The following DCLK1 variants were observed in gnomAD, a reference collection of about 807,000 sequenced individuals.
The protein encoded by DCLK1 is serine/threonine-protein kinase DCLK1.
DCLK1 carries 16 observed loss-of-function variants against 86.2 expected under a neutral mutation model. That is an observed-to-expected ratio of 0.19 (90% CI 0.13 to 0.28). The LOEUF (loss-of-function observed/expected upper bound fraction) is 0.28, where lower values mean the gene tolerates loss of function less well. DCLK1 is among the 10% of genes least tolerant of loss of function. DCLK1 has a pLI of 1.00. For missense variants in DCLK1, 590 were observed against 940.2 expected, an observed-to-expected ratio of 0.63 and a Z score of 4.87; for synonymous variants, 369 against 370.5, an observed-to-expected ratio of 1.00 and a Z score of 0.05.
At chr13:35,821,661 T>C (rs1360220695) in intron 11 of DCLK1, among the ~76,000 whole-genome samples, 2 of 113,240 alleles carry the variant, frequency 1.8e-5, no homozygotes, top group African/African-American at 4.8e-5. Context: ...AAGATATATA[T>C]ATAAATATAT....
chr13:35,899,327 C>T (rs1325842165), intron 4 of DCLK1, among the ~76,000 whole-genome samples: 6 of 142,492 alleles, frequency 4.2e-5, no homozygotes, highest in South Asian at 2.3e-4. Flanking sequence ...TATGTGTCAA[C>T]GAGAAATACA....
intron 4 of DCLK1, among the ~76,000 whole-genome samples, chr13:35,909,513 A>T (rs1299826386): frequency 6.6e-6 from 1 of 151,098 alleles, no homozygotes; most frequent in Non-Finnish European, 1.5e-5. Context: ...TTTGGGTGGG[A>T]TTTATGAGAT....
chr13:36,002,218 C>A (rs1291460536), intron 3 of DCLK1, among the ~76,000 whole-genome samples: 1 of 152,118 alleles, frequency 6.6e-6, no homozygotes, highest in Non-Finnish European at 1.5e-5. Context: ...AGTGAGGTGA[C>A]AAACATTTCC....
chr13:36,058,296 A>G (rs1883409946), intron 3 of DCLK1, among the ~76,000 whole-genome samples: 1 of 152,190 alleles, frequency 6.6e-6, no homozygotes, highest in Non-Finnish European at 1.5e-5. Flanking sequence ...GCATTCTGAG[A>G]GCCTGATGGA....
intron 3 of DCLK1, among the ~76,000 whole-genome samples, chr13:35,992,371 A>G (rs1221514647): frequency 6.6e-6 from 1 of 152,132 alleles, no homozygotes; most frequent in Non-Finnish European, 1.5e-5. Flanking sequence ...GGAGAATTAC[A>G]ATGCAACATG....
At chr13:35,908,952 A>G (rs571434142) in intron 4 of DCLK1, among the ~76,000 whole-genome samples, 1 of 152,350 alleles carries the variant, frequency 6.6e-6, no homozygotes, top group African/African-American at 2.4e-5. Context: ...TACTTTTTTG[A>G]ACAAGAAACC....
chr13:35,779,725 A>G (rs2086489074), intron 16 of DCLK1, among the ~76,000 whole-genome samples: 1 of 152,240 alleles, frequency 6.6e-6, no homozygotes, highest in Non-Finnish European at 1.5e-5. Flanking sequence ...GAATTCACTC[A>G]TCCTACAAGC....
At chr13:35,800,976 G>A (rs1427620007) in intron 15 of DCLK1, among the ~76,000 whole-genome samples, 3 of 151,490 alleles carry the variant, frequency 2.0e-5, no homozygotes, top group South Asian at 2.1e-4. Context: ...CACCTGCCAC[G>A]GCCTCCCAGA....
intron 4 of DCLK1, among the ~76,000 whole-genome samples, chr13:35,929,548 G>A (rs1876311469): frequency 6.6e-6 from 1 of 152,172 alleles, no homozygotes; most frequent in South Asian, 2.1e-4. Flanking sequence ...ACTAAACATA[G>A]AGGCTGATTT....
chr13:35,939,293 T>C (rs889214705), intron 4 of DCLK1, among the ~76,000 whole-genome samples: 2 of 152,178 alleles, frequency 1.3e-5, no homozygotes, highest in African/African-American at 4.8e-5. Flanking sequence ...TACAAATCAA[T>C]GCAATCGGGA....
chr13:35,824,376 C>T (rs766431392), intron 10 of DCLK1, among the ~76,000 whole-genome samples: 1 of 152,042 alleles, frequency 6.6e-6, no homozygotes, highest in Non-Finnish European at 1.5e-5. Flanking sequence ...GATGAGGCTT[C>T]GCTTTGTTGC....
intron 6 of DCLK1, among the ~76,000 whole-genome samples, chr13:35,843,986 T>C (rs1023239765): frequency 1.3e-5 from 2 of 152,086 alleles, no homozygotes; most frequent in Non-Finnish European, 2.9e-5. Context: ...CAGAATTCTA[T>C]ATGATACAGA....
intron 16 of DCLK1, among the ~76,000 whole-genome samples, chr13:35,778,845 C>G (rs2086472425): frequency 6.6e-6 from 1 of 152,138 alleles, no homozygotes; most frequent in Non-Finnish European, 1.5e-5. Flanking sequence ...AATACATTTC[C>G]TTTTTCACTT....
At chr13:35,825,963 C>A (rs951194405) in intron 10 of DCLK1, among the ~76,000 whole-genome samples, 2 of 151,776 alleles carry the variant, frequency 1.3e-5, no homozygotes, top group African/African-American at 4.8e-5. Context: ...CAGGCGCCTG[C>A]CACCATGCCC....
At chr13:36,079,040 T>C (rs1291314337) in intron 3 of DCLK1, among the ~76,000 whole-genome samples, 4 of 152,092 alleles carry the variant, frequency 2.6e-5, no homozygotes, top group African/African-American at 9.7e-5. Context: ...CAAAACACTT[T>C]ACATTAAAGA....
At chr13:36,025,037 G>A (rs1479607127) in intron 3 of DCLK1, among the ~76,000 whole-genome samples, 2 of 149,688 alleles carry the variant, frequency 1.3e-5, no homozygotes, top group Admixed American at 6.7e-5. Flanking sequence ...GCACGATCTC[G>A]GCTCACTGCA....
chr13:35,974,196 T>A (rs1879209089), intron 3 of DCLK1, among the ~76,000 whole-genome samples: 1 of 152,226 alleles, frequency 6.6e-6, no homozygotes, highest in Admixed American at 6.5e-5. Flanking sequence ...TGAGCCCCCC[T>A]CAGATTCATG....
intron 3 of DCLK1, among the ~76,000 whole-genome samples, chr13:35,951,907 G>A (rs181785345): frequency 4.6e-5 from 7 of 152,106 alleles, no homozygotes; most frequent in Admixed American, 1.3e-4. Context: ...AGTGTCTCGC[G>A]TTAGGTGCCA....
At chr13:36,036,339 G>A (rs749924049) in intron 3 of DCLK1, among the ~76,000 whole-genome samples, 3 of 152,172 alleles carry the variant, frequency 2.0e-5, no homozygotes, top group South Asian at 2.1e-4. Context: ...GCACTCTACC[G>A]CTTCAATAAA....
Sources: gnomAD v4.1 joint callset for allele counts (sites outside exome capture counted in the v4.1 genomes callset) on GRCh38, gnomAD v4.1.1 for gene constraint, MANE v1.5 for transcripts, NCBI Gene and HGNC (gene_info 2026-07-23, HGNC 2026-07-21) for gene names.